BRD10: variants seen among roughly 807,000 people sequenced by gnomAD.
BRD10 encodes uncharacterized bromodomain-containing protein 10.
At chr9:5,995,140 A>G in the BRD10 span, among the ~76,000 whole-genome samples, 1 of 152,116 alleles carries the variant, frequency 6.6e-6, no homozygotes, top group Non-Finnish European at 1.5e-5. Context: ...ACCTCAGTTG[A>G]TCCACCCGCC....
chr9:6,004,981 A>T, the BRD10 span, among the ~76,000 whole-genome samples: 1 of 152,332 alleles, frequency 6.6e-6, no homozygotes, highest in East Asian at 1.9e-4. Flanking sequence ...ATTTGAGGTC[A>T]TACTACTTTT....
chr9:5,948,385 A>G, the BRD10 span, among the ~76,000 whole-genome samples: 1 of 152,118 alleles, frequency 6.6e-6, no homozygotes, highest in Non-Finnish European at 1.5e-5. Flanking sequence ...TAGTTTTAGG[A>G]TTCAGTTTAT....
chr9:5,946,638 G>C, the BRD10 span, among the ~76,000 whole-genome samples: 1 of 142,356 alleles, frequency 7.0e-6, no homozygotes, highest in Non-Finnish European at 1.5e-5. Flanking sequence ...CAGGTGGATG[G>C]CTATACCTCT....
At chr9:6,007,875 G>A in the BRD10 span, 3 of 1,370,232 alleles carry the variant, frequency 2.2e-6, no homozygotes, top group Middle Eastern at 2.7e-4. Flanking sequence ...TCACGGCTCG[G>A]CCGCGGCGCG....
the BRD10 span, among the ~76,000 whole-genome samples, chr9:5,966,683 CT>C: frequency 6.6e-6 from 1 of 152,010 alleles, no homozygotes; most frequent in Non-Finnish European, 1.5e-5. Flanking sequence ...TGGTCTCCAA[CT>C]CCCGACCTCA....
At chr9:5,955,385 A>G in the BRD10 span, among the ~76,000 whole-genome samples, 2 of 152,228 alleles carry the variant, frequency 1.3e-5, no homozygotes, top group South Asian at 4.1e-4. Context: ...AAATGTCAAT[A>G]TTTTTTTCAA....
At chr9:5,970,096 C>A in the BRD10 span, among the ~76,000 whole-genome samples, 2 of 152,070 alleles carry the variant, frequency 1.3e-5, no homozygotes, top group Non-Finnish European at 2.9e-5. Context: ...ATATTTATAT[C>A]CTCTGACCCC....
At chr9:5,898,755 C>G in the BRD10 span, among the ~76,000 whole-genome samples, 2 of 152,192 alleles carry the variant, frequency 1.3e-5, no homozygotes, top group African/African-American at 4.8e-5. Flanking sequence ...TTCTTCACCC[C>G]TTTCCTCACT....
chr9:5,964,749 C>G, the BRD10 span, among the ~76,000 whole-genome samples: 255 of 110,060 alleles, frequency 2.3e-3, no homozygotes, highest in East Asian at 3.1e-3. Context: ...AGTTCATGTC[C>G]TTTGTAGGGA....
chr9:5,913,099 G>A, the BRD10 span, among the ~76,000 whole-genome samples: 1 of 152,138 alleles, frequency 6.6e-6, no homozygotes, highest in Admixed American at 6.6e-5. Context: ...ATAGTAAAGA[G>A]CAGGCATACT....
the BRD10 span, among the ~76,000 whole-genome samples, chr9:5,883,300 T>C: frequency 2.6e-5 from 4 of 152,192 alleles, no homozygotes; most frequent in African/African-American, 9.7e-5. Context: ...CTGTGTATTA[T>C]TTAGTTTGAT....
chr9:5,961,925 A>G, the BRD10 span, among the ~76,000 whole-genome samples: 1 of 149,554 alleles, frequency 6.7e-6, no homozygotes, highest in Non-Finnish European at 1.5e-5. Flanking sequence ...CTTTCAAAAA[A>G]CCAGCTCCTG....
chr9:5,922,452 C>T, the BRD10 span: 3 of 1,613,960 alleles, frequency 1.9e-6, no homozygotes, highest in Non-Finnish European at 2.5e-6. Flanking sequence ...TGTGGTCTAG[C>T]ACTACTTATA....
chr9:5,971,590 T>A, the BRD10 span, among the ~76,000 whole-genome samples: 1 of 152,250 alleles, frequency 6.6e-6, no homozygotes. Context: ...AGCCTACTTT[T>A]ATATTTTTGG....
chr9:5,928,494 C>T, the BRD10 span, among the ~76,000 whole-genome samples: 216 of 152,316 alleles, frequency 1.4e-3, no homozygotes, highest in African/African-American at 4.8e-3. Context: ...TTCCTCCTTA[C>T]CTCTCTGACT....
At chr9:5,898,214 A>T in the BRD10 span, 1 of 152,762 alleles carries the variant, frequency 6.5e-6, no homozygotes, top group Admixed American at 6.5e-5. Context: ...GGCTAATTAA[A>T]AAAAAACTTT....
At chr9:5,886,774 T>A in the BRD10 span, among the ~76,000 whole-genome samples, 1 of 152,190 alleles carries the variant, frequency 6.6e-6, no homozygotes, top group African/African-American at 2.4e-5. Flanking sequence ...TCTAGGGGGC[T>A]TCCGGGAAAC....
At chr9:5,915,076 G>GT in the BRD10 span, among the ~76,000 whole-genome samples, 1 of 151,988 alleles carries the variant, frequency 6.6e-6, no homozygotes, top group Non-Finnish European at 1.5e-5. Context: ...TTTAGGGGAG[G>GT]TAACACTTTG....
the BRD10 span, among the ~76,000 whole-genome samples, chr9:5,893,741 G>A: frequency 2.6e-5 from 4 of 152,058 alleles, no homozygotes; most frequent in Admixed American, 6.5e-5. Flanking sequence ...AGGCCTGTTC[G>A]TTTTCTTCTT....
Sources: gnomAD v4.1 joint callset for allele counts (sites outside exome capture counted in the v4.1 genomes callset) on GRCh38, gnomAD v4.1.1 for gene constraint, MANE v1.5 for transcripts, NCBI Gene and HGNC (gene_info 2026-07-23, HGNC 2026-07-21) for gene names.